NAALADL2: variants seen among roughly 807,000 people sequenced by gnomAD.
NAALADL2 encodes the protein N-acetylated alpha-linked acidic dipeptidase like 2.
A neutral mutation model predicts 87.2 loss-of-function variants in NAALADL2; 76 were observed. The observed-to-expected ratio is 0.87, with a 90% CI of 0.72 to 1.05. The LOEUF is 1.05. Ranked by LOEUF, NAALADL2 falls within the 50% of genes least tolerant of loss-of-function variation. The pLI is 0.00. For missense variants in NAALADL2, 1,089 were observed against 945.8 expected, an observed-to-expected ratio of 1.15 and a Z score of -1.99; for synonymous variants, 354 against 331.0, an observed-to-expected ratio of 1.07 and a Z score of -0.75.
At chr3:175,680,412 G>A (rs947096548) in intron 11 of NAALADL2, among the ~76,000 whole-genome samples, 2 of 152,192 alleles carry the variant, frequency 1.3e-5, no homozygotes, top group African/African-American at 4.8e-5. Flanking sequence ...TCTAATATCA[G>A]TGATAGATGG....
rs530714082 is a variant in NAALADL2, at chr3:174,894,532, T to G, written c.43+35082T>G. Among the ~76,000 whole-genome samples, 4 of 135,212 alleles carry G rather than the reference T, an allele frequency of 3.0e-5. No homozygotes were observed. The Admixed American group carries it at 3.4e-4, about 11-fold the overall frequency. The allele number at this position is 135,212 out of a possible 152,430, so 88.7% of individuals were successfully genotyped here. A position where few individuals can be genotyped will look rare whatever the true frequency, so the allele number is the denominator to read the frequency against. ...TCGCTTGGACCTGGGAGGCGGAGGTTGCAATGAGCCGAGATCATGCCACTG... is the reference window on the plus strand; with the variant it reads ...TCGCTTGGACCTGGGAGGCGGAGGTGGCAATGAGCCGAGATCATGCCACTG... On this transcript the variant is annotated intron_variant, in intron 1 of 13. Coordinates refer to ENST00000454872, the MANE Select transcript of NAALADL2 (RefSeq NM_207015.3).
At chr3:175,555,286 A>C (rs1560749906) in intron 9 of NAALADL2, among the ~76,000 whole-genome samples, 1 of 152,228 alleles carries the variant, frequency 6.6e-6, no homozygotes, top group Non-Finnish European at 1.5e-5. Context: ...CTCAATTATC[A>C]GAAAAGAATC....
intron 1 of NAALADL2, among the ~76,000 whole-genome samples, chr3:174,483,036 G>C (rs1415519219): frequency 6.6e-6 from 1 of 151,976 alleles, no homozygotes; most frequent in African/African-American, 2.4e-5. Flanking sequence ...GTTACTCCTT[G>C]TGACTGGTGG....
At chr3:175,409,865 A>G (rs1369309353) in intron 5 of NAALADL2, among the ~76,000 whole-genome samples, 1 of 152,070 alleles carries the variant, frequency 6.6e-6, no homozygotes, top group African/African-American at 2.4e-5. Flanking sequence ...AGTTCAAAAT[A>G]TTAGAGTAAA....
intron 6 of NAALADL2, among the ~76,000 whole-genome samples, chr3:175,450,457 A>C (rs555981997): frequency 8.5e-5 from 13 of 152,312 alleles, no homozygotes; most frequent in Admixed American, 5.9e-4. Flanking sequence ...TCCACTAATT[A>C]TTTATCTTAC....
chr3:174,462,376 G>T (rs906607544), intron 1 of NAALADL2, among the ~76,000 whole-genome samples: 5 of 152,046 alleles, frequency 3.3e-5, no homozygotes, highest in African/African-American at 1.2e-4. Flanking sequence ...TCACAAATCT[G>T]TTGAAATCAG....
At chr3:175,327,148 C>CTCTTTTTTTTTTT (rs1760811308) in intron 5 of NAALADL2, among the ~76,000 whole-genome samples, 1 of 99,514 alleles carries the variant, frequency 1.0e-5, no homozygotes, top group Admixed American at 1.2e-4. Flanking sequence ...GTCTACATTT[C>CTCTTTTTTTTTTT]TTTTTTTTTT....
At chr3:175,031,426 A>G (rs1231698288) in intron 1 of NAALADL2, among the ~76,000 whole-genome samples, 2 of 152,056 alleles carry the variant, frequency 1.3e-5, no homozygotes, top group African/African-American at 4.8e-5. Context: ...GCTTGCATCC[A>G]TGCTGCTGCA....
At chr3:174,644,322 C>A (rs1723560345) in intron 2 of NAALADL2, among the ~76,000 whole-genome samples, 3 of 152,032 alleles carry the variant, frequency 2.0e-5, no homozygotes, top group African/African-American at 4.8e-5. Flanking sequence ...CATATTCTTA[C>A]AATAAAGTTG....
At chr3:174,549,800 C>A (rs1711899125) in intron 1 of NAALADL2, among the ~76,000 whole-genome samples, 1 of 152,132 alleles carries the variant, frequency 6.6e-6, no homozygotes, top group Non-Finnish European at 1.5e-5. Flanking sequence ...GGTCACATAG[C>A]CAATCTCTCA....
At chr3:175,343,653 A>ATTTTTTTTTTTTTTTTTTTT (rs1581504166) in intron 5 of NAALADL2, among the ~76,000 whole-genome samples, 1 of 52,282 alleles carries the variant, frequency 1.9e-5, no homozygotes, top group Non-Finnish European at 3.9e-5. Flanking sequence ...TGTCTTGATC[A>ATTTTTTTTTTTTTTTTTTTT]TGTTTTTTTT....
chr3:174,871,382 C>T (rs1727798805), intron 1 of NAALADL2, among the ~76,000 whole-genome samples: 1 of 152,190 alleles, frequency 6.6e-6, no homozygotes, highest in Admixed American at 6.5e-5. Context: ...TTTAATTATG[C>T]TATAAACTTC....
At chr3:175,093,863 T>C (rs1356097054) in intron 1 of NAALADL2, among the ~76,000 whole-genome samples, 1 of 151,958 alleles carries the variant, frequency 6.6e-6, no homozygotes. Flanking sequence ...AATATGTGTA[T>C]CTGCATTACA....
intron 11 of NAALADL2, among the ~76,000 whole-genome samples, chr3:175,691,590 A>G (rs1737057829): frequency 6.6e-6 from 1 of 151,936 alleles, no homozygotes; most frequent in Non-Finnish European, 1.5e-5. Flanking sequence ...TACATCACTA[A>G]TTTAAATCTC....
intron 10 of NAALADL2, among the ~76,000 whole-genome samples, chr3:175,620,856 T>C (rs1017010742): frequency 5.9e-5 from 9 of 152,044 alleles, no homozygotes; most frequent in African/African-American, 1.9e-4. Context: ...TAAGGAAGAA[T>C]AGAAGTTTGA....
At chr3:174,987,084 G>A (rs1745977171) in intron 1 of NAALADL2, among the ~76,000 whole-genome samples, 1 of 152,102 alleles carries the variant, frequency 6.6e-6, no homozygotes, top group Non-Finnish European at 1.5e-5. Flanking sequence ...TTTGTTAAGA[G>A]TATTTTGATC....
At chr3:175,539,081 A>G (rs2149464021) in intron 9 of NAALADL2, among the ~76,000 whole-genome samples, 1 of 152,338 alleles carries the variant, frequency 6.6e-6, no homozygotes, top group South Asian at 2.1e-4. Context: ...AATTAGACCT[A>G]CATGACTGTT....
intron 7 of NAALADL2, among the ~76,000 whole-genome samples, chr3:175,463,701 GGAGAGAGAGAGAGA>G (rs10591566): frequency 1.7e-5 from 2 of 115,486 alleles, no homozygotes; most frequent in South Asian, 5.2e-4. Flanking sequence ...CTTAGTCGGG[GGAGAGAGAGAGAGA>G]GAGAGAGAGA....
In NAALADL2 at chr3:175,362,220, G is replaced by A. The variant is rs202238826; in HGVS notation, c.1090+37895G>A. Among the ~76,000 whole-genome samples, 9 of 147,950 alleles carry A rather than the reference G, an allele frequency of 6.1e-5. 1 individual carries two copies. Among genetic ancestry groups the A allele is most frequent in the East Asian group, 2.0e-4 (1 of 5,008 alleles). On this transcript the variant is annotated intron_variant, in intron 5 of 13. Coordinates refer to ENST00000454872, the MANE Select transcript of NAALADL2 (RefSeq NM_207015.3). ...CTGAGGGCTCTGTTCTGTTCCATTG[G>A]TCTATATCTCTGTTTTGGTACCAGT...
Sources: gnomAD v4.1 joint callset for allele counts (sites outside exome capture counted in the v4.1 genomes callset) on GRCh38, gnomAD v4.1.1 for gene constraint, MANE v1.5 for transcripts, NCBI Gene and HGNC (gene_info 2026-07-23, HGNC 2026-07-21) for gene names.